ZMYND11: variants seen among roughly 807,000 people sequenced by gnomAD.
ZMYND11 encodes the protein zinc finger MYND-type containing 11, also known as zinc finger MYND domain-containing protein 11.
Under a neutral mutation model 84.9 loss-of-function variants are expected in ZMYND11, and 9 were observed. The ratio of observed to expected loss-of-function variants is 0.11; its 90% CI spans 0.06 to 0.18. The LOEUF is 0.18. Among genes scored for constraint, ZMYND11 ranks in the 10% least tolerant of loss-of-function variants. ZMYND11 has a pLI of 1.00. For missense variants in ZMYND11, 409 were observed against 761.0 expected (o/e 0.54, Z 5.44); for synonymous variants, 250 against 244.1 (o/e 1.02, Z -0.23).
At chr10:202,764 C>A (rs1943453379) in intron 2 of ZMYND11, among the ~76,000 whole-genome samples, 2 of 151,958 alleles carry the variant, frequency 1.3e-5, no homozygotes, top group South Asian at 4.1e-4. Context: ...ACGAAATGAC[C>A]AGAATGTATT....
At chr10:246,077 G>GTAT (rs1403915968) in intron 10 of ZMYND11, among the ~76,000 whole-genome samples, 2 of 152,124 alleles carry the variant, frequency 1.3e-5, no homozygotes, top group Non-Finnish European at 2.9e-5. Flanking sequence ...AGAGACCAAT[G>GTAT]CCCAGGAAAA....
intron 2 of ZMYND11, among the ~76,000 whole-genome samples, chr10:182,722 G>A (rs1395325095): frequency 2.6e-5 from 4 of 152,114 alleles, no homozygotes; most frequent in African/African-American, 7.2e-5. Flanking sequence ...TGCCTAACCC[G>A]GCCAGTGCCT....
chr10:237,763 G>A (rs979955988), intron 6 of ZMYND11, 86 bp downstream of exon 6: 1 of 1,044,514 alleles, frequency 9.6e-7, no homozygotes, highest in Non-Finnish European at 1.4e-6. Context: ...AGCAGATTTT[G>A]GTTGCTCTTC....
chr10:226,727 A>G (rs1353231125), intron 4 of ZMYND11, among the ~76,000 whole-genome samples: 2 of 152,194 alleles, frequency 1.3e-5, no homozygotes, highest in Non-Finnish European at 2.9e-5. Flanking sequence ...CTGAAATGGA[A>G]TACCGCTCCA....
At chr10:176,781 A>T (rs1588671852) in intron 1 of ZMYND11, among the ~76,000 whole-genome samples, 1 of 152,150 alleles carries the variant, frequency 6.6e-6, no homozygotes, top group African/African-American at 2.4e-5. Context: ...CCTAGAAAGG[A>T]TAGGGAAATT....
intron 1 of ZMYND11, among the ~76,000 whole-genome samples, chr10:160,401 G>A (rs1396475028): frequency 6.6e-6 from 1 of 152,244 alleles, no homozygotes; most frequent in African/African-American, 2.4e-5. Flanking sequence ...GGAGGGTCTT[G>A]CCTTGATGTT....
chr10:236,546 T>C (rs1247520402), intron 4 of ZMYND11, among the ~76,000 whole-genome samples: 1 of 152,238 alleles, frequency 6.6e-6, no homozygotes, highest in Non-Finnish European at 1.5e-5. Context: ...TTATGTCTAT[T>C]ATTTGTTTAT....
chr10:239,568 C>G (rs1253764342), intron 7 of ZMYND11, 43 bp downstream of exon 7: 3 of 1,292,844 alleles, frequency 2.3e-6, no homozygotes, highest in Non-Finnish European at 1.1e-6. Context: ...TTAAACACAC[C>G]ATTTACATTC....
At chr10:249,971 A>G (rs1953028895) in intron 14 of ZMYND11, among the ~76,000 whole-genome samples, 1 of 152,232 alleles carries the variant, frequency 6.6e-6, no homozygotes, top group African/African-American at 2.4e-5. Context: ...ACAAAAGACC[A>G]GGAGATCTGT....
intron 11 of ZMYND11, 24 bp from the exon 12 acceptor site, chr10:247,374 A>G (rs1952365763): frequency 1.9e-6 from 3 of 1,612,656 alleles, no homozygotes; most frequent in East Asian, 2.2e-5. Context: ...CTGGAATAAT[A>G]TATTACTTTT....
At position 254,072 on chromosome 10, in the gene ZMYND11, C is replaced by T. The variant is rs1231026352; in HGVS notation, c.*1602C>T. Reference sequence around the variant, plus strand: ...AGTAACTTGGCATCATCGTTCCCTCCTTGTTGCTGTGTAATTAGTCAGTGT... The same window carrying T: ...AGTAACTTGGCATCATCGTTCCCTCTTTGTTGCTGTGTAATTAGTCAGTGT... On this transcript the variant is annotated 3_prime_UTR_variant, in exon 15 of 15. Transcript: ENST00000381604. The T allele has an allele frequency of 6.6e-6, 1 of 152,442 alleles. No homozygotes were observed. Among genetic ancestry groups the T allele is most frequent in the Non-Finnish European group, 1.5e-5 (1 of 68,034 alleles). The allele number at this position is 152,442 out of a possible 1,614,324, so 9.4% of individuals were successfully genotyped here.
intron 2 of ZMYND11, among the ~76,000 whole-genome samples, chr10:187,431 G>A (rs1237619649): frequency 2.0e-5 from 3 of 151,712 alleles, no homozygotes; most frequent in Non-Finnish European, 2.9e-5. Context: ...TCAGGAGATC[G>A]AGACCATCTT....
At chr10:215,850 G>A (rs1485502127) in intron 3 of ZMYND11, among the ~76,000 whole-genome samples, 1 of 152,056 alleles carries the variant, frequency 6.6e-6, no homozygotes, top group African/African-American at 2.4e-5. Flanking sequence ...GAGCCACCAT[G>A]CCTACACCTT....
chr10:139,851 A>G (rs2131112208), intron 1 of ZMYND11, among the ~76,000 whole-genome samples: 1 of 151,940 alleles, frequency 6.6e-6, no homozygotes, highest in Middle Eastern at 3.4e-3. Flanking sequence ...AGCTGGGACT[A>G]CAGGCAGGAG....
chr10:176,651 G>A (rs1846700794), intron 1 of ZMYND11, among the ~76,000 whole-genome samples: 2 of 152,112 alleles, frequency 1.3e-5, no homozygotes. Context: ...TTGTACAAAA[G>A]CAATACATTT....
At position 248,937 on chromosome 10, in the gene ZMYND11, C is replaced by T; in HGVS notation, c.1535C>T (p.Ala512Val). The change falls in exon 14 of 15, where the codon GCT becomes GTT. Residue 512 changes from alanine (A) to valine (V), a missense_variant. Transcript: ENST00000381604. ...GAAATGGAAGAAGAAAAGAGACAAG[C>T]TGTAAATAAAGCTGTAGCCAACATG... ...RSEMEEEKRQ[A>V]VNKAVANMQG... 6.2e-7 allele frequency: 1 copy of T among 1,613,824 alleles called. No homozygotes were observed. The highest frequency in any genetic ancestry group is 8.5e-7 in the Non-Finnish European group (1 of 1,179,868).
intron 2 of ZMYND11, among the ~76,000 whole-genome samples, 183 bp from the exon 3 acceptor site, chr10:209,706 G>A (rs112191528): frequency 5.9e-5 from 9 of 151,504 alleles, no homozygotes; most frequent in African/African-American, 9.7e-5. Context: ...GAAGAGTTGC[G>A]TATTGAAGAC....
intron 1 of ZMYND11, chr10:154,821 C>T (rs1432167129): frequency 6.6e-6 from 1 of 152,070 alleles, no homozygotes; most frequent in Non-Finnish European, 1.5e-5. Context: ...TTCATGGCTA[C>T]AAATGAAATA....
intron 3 of ZMYND11, among the ~76,000 whole-genome samples, chr10:214,382 G>T (rs953040287): frequency 6.6e-6 from 1 of 152,122 alleles, no homozygotes; most frequent in Non-Finnish European, 1.5e-5. Flanking sequence ...GTGGCAGGAG[G>T]ATTGCTTGAA....
Sources: gnomAD v4.1 joint callset for allele counts (sites outside exome capture counted in the v4.1 genomes callset) on GRCh38, gnomAD v4.1.1 for gene constraint, MANE v1.5 for transcripts, NCBI Gene and HGNC (gene_info 2026-07-23, HGNC 2026-07-21) for gene names.